Variants in PRPSAP1 observed in about 807,000 individuals in gnomAD.
PRPSAP1 encodes phosphoribosyl pyrophosphate synthase-associated protein 1.
A neutral mutation model predicts 39.4 loss-of-function variants in PRPSAP1; 31 were observed. The observed-to-expected ratio is 0.79, with a 90% CI of 0.59 to 1.06. The LOEUF (loss-of-function observed/expected upper bound fraction) is 1.06, where lower values mean the gene tolerates loss of function less well. Among genes scored for constraint, PRPSAP1 ranks in the 50% least tolerant of loss-of-function variants. The probability of loss-of-function intolerance (pLI) is 0.00; values close to 1 mark genes in which losing one functional copy is unlikely to be tolerated. For missense variants in PRPSAP1, 430 were observed against 511.6 expected (o/e 0.84, Z 1.54); for synonymous variants, 212 against 192.6 (o/e 1.10, Z -0.83).
intron 7 of PRPSAP1, among the ~76,000 whole-genome samples, chr17:76,321,447 A>G (rs1237285124): frequency 6.6e-6 from 1 of 152,056 alleles, no homozygotes; most frequent in Non-Finnish European, 1.5e-5. Context: ...GGGCTGAGGC[A>G]GGAGAATTAC....
chr17:76,337,545 G>C (rs1477816637), intron 3 of PRPSAP1: 1 of 152,224 alleles, frequency 6.6e-6, no homozygotes, highest in Non-Finnish European at 1.5e-5. Flanking sequence ...GAAGTAATGG[G>C]GGAGAATTTA....
intron 3 of PRPSAP1, among the ~76,000 whole-genome samples, chr17:76,334,922 C>T (rs1476145155): frequency 6.6e-6 from 1 of 152,064 alleles, no homozygotes; most frequent in South Asian, 2.1e-4. Flanking sequence ...ATCCATGCAA[C>T]ACATATTTAG....
rs58359232 is a variant in PRPSAP1, at chr17:76,314,201, A to AATGTATGT, written c.782-318_782-311dup. 46 of 359,070 alleles carry AATGTATGT rather than the reference A, an allele frequency of 1.3e-4. 1 individual carries two copies. Among genetic ancestry groups the AATGTATGT allele is most frequent in the African/African-American group, 9.4e-4 (40 of 42,344 alleles). The allele number at this position is 359,070 out of a possible 1,614,324, so 22.2% of individuals were successfully genotyped here. A position where few individuals can be genotyped will look rare whatever the true frequency, so the allele number is the denominator to read the frequency against. Reference sequence around the variant, plus strand: ...AATTTCAACATGTAACTGATATAAAAATGTATGTATGTATGTATGTATGTA... The same window carrying AATGTATGT: ...AATTTCAACATGTAACTGATATAAAAATGTATGTATGTATGTATGTATGTATGTATGTA... On this transcript the variant is annotated intron_variant, in intron 7 of 9. Coordinates refer to ENST00000446526, the MANE Select transcript of PRPSAP1 (RefSeq NM_002766.3).
At chr17:76,320,290 G>GA (rs147688033) in intron 7 of PRPSAP1, among the ~76,000 whole-genome samples, 33,512 of 102,724 alleles carry the variant, frequency 0.33, 5,951 homozygotes, top group African/African-American at 0.54. Flanking sequence ...AGAAAAGAAA[G>GA]AAAGAAAGAA....
chr17:76,331,181 C>T (rs1039884078), intron 4 of PRPSAP1, among the ~76,000 whole-genome samples: 1 of 152,056 alleles, frequency 6.6e-6, no homozygotes, highest in Non-Finnish European at 1.5e-5. Context: ...TATAGAAAAA[C>T]AATGAAGAGA....
At chr17:76,350,418 G>A (rs2071556254) in intron 1 of PRPSAP1, among the ~76,000 whole-genome samples, 1 of 151,278 alleles carries the variant, frequency 6.6e-6, no homozygotes, top group South Asian at 2.1e-4. Context: ...CAGCCTGTGC[G>A]ACAGAGTGAG....
chr17:76,311,674 A>G lies in PRPSAP1; in HGVS notation c.1026T>C (p.His342=), dbSNP rs772212074. ...TGGGACATTGCAGCTTCTGAACCTC[A>G]TGAGGGACAGTATTCGTCACCACCA... ...DEVVVTNTVP[H]EVQKLQCPKI... Residue 342 remains histidine (H), a synonymous_variant, in exon 10 of 10, where the codon CAT becomes CAC. Coordinates refer to ENST00000446526, the MANE Select transcript of PRPSAP1 (RefSeq NM_002766.3). 6.2e-7 allele frequency: 1 copy of G among 1,614,082 alleles called. No homozygotes were observed. Among genetic ancestry groups the G allele is most frequent in the Non-Finnish European group, 8.5e-7 (1 of 1,180,000 alleles).
chr17:76,326,876 G>A (rs1187876228), intron 7 of PRPSAP1, among the ~76,000 whole-genome samples: 3 of 151,672 alleles, frequency 2.0e-5, no homozygotes, highest in Non-Finnish European at 2.9e-5. Flanking sequence ...AAATATACAC[G>A]AAGGTATTTA....
intron 2 of PRPSAP1, among the ~76,000 whole-genome samples, chr17:76,346,763 G>T (rs1457119023): frequency 1.3e-5 from 2 of 152,208 alleles, no homozygotes; most frequent in Admixed American, 1.3e-4. Flanking sequence ...CGGGCGCGGT[G>T]GCTCCGCCTG....
chr17:76,315,745 C>T (rs1436171357), intron 7 of PRPSAP1, among the ~76,000 whole-genome samples: 1 of 115,986 alleles, frequency 8.6e-6, no homozygotes, highest in Non-Finnish European at 1.6e-5. Flanking sequence ...GACAGAGTCT[C>T]ACTCTGTCTC....
Position 76,328,592 on chromosome 17 carries a change from G to C in PRPSAP1, c.781+125C>G, listed in dbSNP as rs781716419. The C allele has an allele frequency of 1.5e-5, 19 of 1,235,362 alleles. No individual in the cohort carries two copies. The Admixed American group carries it at 1.6e-4, about 11-fold the overall frequency. The allele number at this position is 1,235,362 out of a possible 1,614,324, so 76.5% of individuals were successfully genotyped here. A position where few individuals can be genotyped will look rare whatever the true frequency, so the allele number is the denominator to read the frequency against. On this transcript the variant is annotated intron_variant, in intron 7 of 9. Coordinates refer to ENST00000446526, the MANE Select transcript of PRPSAP1 (RefSeq NM_002766.3). ...CCACTGCACTCTAGCCTGGGTGACA[G>C]AGTGAGACTCCATCTCAAAAACAAA... is the stretch of plus-strand genomic sequence containing the variant.
intron 1 of PRPSAP1, among the ~76,000 whole-genome samples, chr17:76,350,169 G>C (rs2071551958): frequency 6.6e-6 from 1 of 152,042 alleles, no homozygotes; most frequent in African/African-American, 2.4e-5. Flanking sequence ...GCCAGGCGCA[G>C]TGGCTCATGC....
At chr17:76,340,964 C>T (rs1055286518) in intron 3 of PRPSAP1, among the ~76,000 whole-genome samples, 4 of 151,056 alleles carry the variant, frequency 2.6e-5, no homozygotes, top group African/African-American at 7.3e-5. Flanking sequence ...TCCCTGGTGC[C>T]AAAAAGGTTG....
At chr17:76,343,585 A>G (rs1252431829) in intron 3 of PRPSAP1, among the ~76,000 whole-genome samples, 1 of 152,212 alleles carries the variant, frequency 6.6e-6, no homozygotes, top group East Asian at 1.9e-4. Flanking sequence ...CTGAAATCCC[A>G]AAACTTTGGG....
At chr17:76,339,327 C>T (rs1403892193) in intron 3 of PRPSAP1, among the ~76,000 whole-genome samples, 1 of 151,526 alleles carries the variant, frequency 6.6e-6, no homozygotes, top group Admixed American at 6.6e-5. Flanking sequence ...ATTGCTTGAA[C>T]CTGGGAGGCA....
At chr17:76,344,060 T>G (rs1024989726) in intron 3 of PRPSAP1, among the ~76,000 whole-genome samples, 10 of 151,726 alleles carry the variant, frequency 6.6e-5, no homozygotes, top group African/African-American at 2.2e-4. Flanking sequence ...TTCTCCTGCC[T>G]TAGCCTCTCA....
chr17:76,315,728 T>C (rs1475369065), intron 7 of PRPSAP1, among the ~76,000 whole-genome samples: 2 of 128,024 alleles, frequency 1.6e-5, no homozygotes, highest in Non-Finnish European at 3.3e-5. Context: ...TTTTTTTTTT[T>C]TCTTGAGACA....
chr17:76,317,011 G>A (rs968943019), intron 7 of PRPSAP1, among the ~76,000 whole-genome samples: 1 of 152,180 alleles, frequency 6.6e-6, no homozygotes, highest in Non-Finnish European at 1.5e-5. Flanking sequence ...TACCCATTTT[G>A]ACCTTTGTCT....
At chr17:76,339,337 A>C (rs1325569908) in intron 3 of PRPSAP1, among the ~76,000 whole-genome samples, 2 of 148,884 alleles carry the variant, frequency 1.3e-5, no homozygotes, top group Non-Finnish European at 3.0e-5. Context: ...CCTGGGAGGC[A>C]GAGGTTGCAG....
Sources: allele counts gnomAD v4.1 joint callset (sites outside exome capture counted in the v4.1 genomes callset), GRCh38; gene constraint gnomAD v4.1.1; transcripts MANE v1.5; gene names NCBI Gene and HGNC (gene_info 2026-07-23, HGNC 2026-07-21).